The following HELZ variants were observed in gnomAD, a reference collection of about 807,000 sequenced individuals.
The protein encoded by HELZ is ATP-dependent RNA helicase with zinc finger domain.
A neutral mutation model predicts 218.2 loss-of-function variants in HELZ; 23 were observed. The observed-to-expected ratio is 0.11, with a 90% confidence interval of 0.08 to 0.15. The LOEUF is 0.15. Ranked by LOEUF, HELZ falls within the 10% of genes least tolerant of loss-of-function variation. The pLI is 1.00. For synonymous variants in HELZ, 814 were observed against 829.4 expected (o/e 0.98, Z 0.32); for missense variants, 1,813 against 2,353.7 (o/e 0.77, Z 4.75).
At chr17:67,109,948 T>C (rs144016356) in intron 28 of HELZ, among the ~76,000 whole-genome samples, 39 of 152,340 alleles carry the variant, frequency 2.6e-4, no homozygotes, top group Non-Finnish European at 5.1e-4. Flanking sequence ...TCTACTTTAA[T>C]TCCTTTCAGG....
At chr17:67,223,813 C>T (rs1214328583) in intron 3 of HELZ, among the ~76,000 whole-genome samples, 1 of 152,174 alleles carries the variant, frequency 6.6e-6, no homozygotes, top group Non-Finnish European at 1.5e-5. Context: ...TTCCTTTAAA[C>T]TCCTATCCCT....
chr17:67,095,358 TACAA>T (rs141237630), intron 31 of HELZ, among the ~76,000 whole-genome samples: 3,644 of 152,120 alleles, frequency 0.024, 70 homozygotes, highest in Non-Finnish European at 0.038. Context: ...CATAGTGAGA[TACAA>T]ACAAACAAAC....
chr17:67,180,788 G>T (rs1056998527), intron 12 of HELZ, among the ~76,000 whole-genome samples: 1 of 147,712 alleles, frequency 6.8e-6, no homozygotes, highest in Non-Finnish European at 1.5e-5. Context: ...TGAGGCCGGA[G>T]AATGGCGTGA....
At position 67,200,749 on chromosome 17, in the gene HELZ, T is replaced by A. The variant is rs537480468; in HGVS notation, c.429+380A>T. 103 of 181,866 alleles carry A rather than the reference T, an allele frequency of 5.7e-4. 2 individuals are homozygous for A. The highest frequency in any genetic ancestry group is 2.2e-3 in the African/African-American group (95 of 42,710). 11.3% of individuals were successfully genotyped at this position (181,866 alleles called of 1,614,324 possible). A position where few individuals can be genotyped will look rare whatever the true frequency, so the allele number is the denominator to read the frequency against. ...CGAGACCCTGTCTCAAATAAACAAATAATAAATAAATAAGGCTTGAGGATA... is the reference window on the plus strand; with the variant it reads ...CGAGACCCTGTCTCAAATAAACAAAAAATAAATAAATAAGGCTTGAGGATA... On this transcript the variant is annotated intron_variant, in intron 7 of 32. Coordinates refer to ENST00000358691, the MANE Select transcript of HELZ (RefSeq NM_014877.4).
chr17:67,114,429 T>C (rs528821722), intron 27 of HELZ, 26 bp from the exon 28 acceptor site: 2 of 1,413,262 alleles, frequency 1.4e-6, no homozygotes, highest in African/African-American at 1.4e-5. Context: ...AAAATCCTTA[T>C]AAGTTTTCTC....
chr17:67,157,549 A>T (rs953411703), intron 17 of HELZ, among the ~76,000 whole-genome samples: 4 of 152,244 alleles, frequency 2.6e-5, no homozygotes, highest in African/African-American at 7.2e-5. Flanking sequence ...ACATTTTTTT[A>T]AAATTGGAGA....
intron 1 of HELZ, chr17:67,244,636 G>A (rs2041421742): frequency 1.9e-5 from 18 of 958,924 alleles, no homozygotes; most frequent in Non-Finnish European, 2.0e-5. Flanking sequence ...CGCGGGGGAG[G>A]GAGGGGGCGC....
intron 32 of HELZ, among the ~76,000 whole-genome samples, chr17:67,082,062 A>G (rs142765505): frequency 6.6e-6 from 1 of 152,322 alleles, no homozygotes; most frequent in East Asian, 1.9e-4. Flanking sequence ...ACTTTGTGCT[A>G]TGCACCTTCC....
chr17:67,156,228 A>G (rs972628834), intron 17 of HELZ, among the ~76,000 whole-genome samples: 1 of 152,064 alleles, frequency 6.6e-6, no homozygotes, highest in Non-Finnish European at 1.5e-5. Flanking sequence ...ATACTAATCT[A>G]AAACAAAAGC....
intron 3 of HELZ, chr17:67,224,709 C>G: frequency 1.2e-6 from 1 of 840,632 alleles, no homozygotes; most frequent in Non-Finnish European, 2.0e-6. Context: ...GTTTCCATGC[C>G]CATAGTGCTC....
At chr17:67,185,465 A>T (rs1179597059) in intron 12 of HELZ, among the ~76,000 whole-genome samples, 1 of 152,222 alleles carries the variant, frequency 6.6e-6, no homozygotes, top group Non-Finnish European at 1.5e-5. Context: ...AGAGTTAACA[A>T]AATGGTAAGA....
intron 9 of HELZ, among the ~76,000 whole-genome samples, chr17:67,193,255 G>C (rs1156985096): frequency 6.7e-6 from 1 of 150,244 alleles, no homozygotes; most frequent in Non-Finnish European, 1.5e-5. Context: ...TGAGGTGAGA[G>C]GATCATTTGA....
chr17:67,070,700 C>G lies in HELZ; in HGVS notation c.*7552G>C, dbSNP rs1004327911. The G allele has an allele frequency of 6.6e-6, 1 of 152,032 alleles. No homozygotes were observed. Among genetic ancestry groups the G allele is most frequent in the Non-Finnish European group, 1.5e-5 (1 of 67,994 alleles). The allele number at this position is 152,032 out of a possible 1,614,324, so 9.4% of individuals were successfully genotyped here. On this transcript the variant is annotated 3_prime_UTR_variant, in exon 33 of 33. Coordinates refer to ENST00000358691, the MANE Select transcript of HELZ (RefSeq NM_014877.4). ...GTGGCTTTGGGGTTATTTTATGGTA[C>G]AAAGTCACTTTTACTTTTAAGGATA...
rs2038206374 is a variant in HELZ at position 67,138,044 on chromosome 17, T to A, written c.2840A>T (p.Asp947Val). ...TGGAGTCACCACACCAATACTGCCA[T>A]CATCTAACTTCCCCCACGCTACTGG... is the stretch of plus-strand genomic sequence containing the variant. ...KWPVAWGKLD[D>V]GSIGVVTPYA... Residue 947 changes from aspartate (D) to valine (V), a missense_variant, in exon 22 of 33, where the codon GAT becomes GTT. Around this residue, in one of 4 missense-constraint regions of HELZ, gnomAD observed 156 missense variants for 274.4 expected, o/e 0.57. Transcript: ENST00000358691. 6.2e-7 allele frequency: 1 copy of A among 1,613,776 alleles called. No individual in the cohort carries two copies. Among genetic ancestry groups the A allele is most frequent in the African/African-American group, 1.3e-5 (1 of 74,922 alleles).
chr17:67,188,611 T>C lies in HELZ; in HGVS notation c.870A>G (p.Ala290=), dbSNP rs1231134992. ...TWTFALTCKP[A]RMLYRVALLY... is the part of the protein sequence containing the mutation. ...GCAATGCTACACGATACAGCATTCT[T>C]GCAGGCTACAAGGAAGTTAAAATAA... The change falls in exon 12 of 33, where the codon GCA becomes GCG. Residue 290 remains alanine, a synonymous_variant. Transcript: ENST00000358691. The surrounding 1 kb of genome is among the most constrained non-coding windows in gnomAD (Gnocchi z 4.1). 1 of 1,612,198 alleles carries C rather than the reference T, an allele frequency of 6.2e-7. No individual in the cohort carries two copies.
In HELZ at chr17:67,136,210, A is replaced by T; in HGVS notation, c.2954-12T>A. 1 of 1,563,020 alleles carries T rather than the reference A, an allele frequency of 6.4e-7. No individual in the cohort carries two copies. The highest frequency in any genetic ancestry group is 8.7e-7 in the Non-Finnish European group (1 of 1,144,200). ...TCTGAATTGCTTTCCTACAAAGAAA[A>T]TTTTTTAAGAAAAGACTTAAGATTG... is the stretch of plus-strand genomic sequence containing the variant. On this transcript the variant is annotated splice_polypyrimidine_tract_variant and intron_variant, in intron 22 of 32. Coordinates refer to ENST00000358691, the MANE Select transcript of HELZ (RefSeq NM_014877.4).
At chr17:67,094,386 G>T (rs2036673797) in intron 31 of HELZ, among the ~76,000 whole-genome samples, 1 of 7,272 alleles carries the variant, frequency 1.4e-4, no homozygotes, top group African/African-American at 9.1e-4. Context: ...TTGCAGGTTT[G>T]GTGAGAGAGA....
chr17:67,103,264 AT>A (rs2036985031), intron 31 of HELZ, among the ~76,000 whole-genome samples: 1 of 152,166 alleles, frequency 6.6e-6, no homozygotes, highest in South Asian at 2.1e-4. Flanking sequence ...ACAATCAAGA[AT>A]TAAGCAAGAA....
chr17:67,184,295 C>T (rs1320618301), intron 12 of HELZ, among the ~76,000 whole-genome samples: 1 of 152,222 alleles, frequency 6.6e-6, no homozygotes, highest in Non-Finnish European at 1.5e-5. Context: ...TGGCATTCTA[C>T]ACCTTCGGTG....
Sources: allele counts gnomAD v4.1 joint callset (sites outside exome capture counted in the v4.1 genomes callset), GRCh38; gene constraint gnomAD v4.1.1; regional missense constraint gnomAD v4.1.1; non-coding constraint Gnocchi (gnomAD v3.1); transcripts MANE v1.5; gene names NCBI Gene and HGNC (gene_info 2026-07-23, HGNC 2026-07-21).